F13A1: variants seen among roughly 807,000 people sequenced by gnomAD.
The protein encoded by F13A1 is FSF, A subunit.
Under a neutral mutation model 80.1 loss-of-function variants are expected in F13A1, and 47 were observed. The ratio of observed to expected loss-of-function variants is 0.59; its 90% CI spans 0.46 to 0.75. The LOEUF (loss-of-function observed/expected upper bound fraction) is 0.75, where lower values mean the gene tolerates loss of function less well. F13A1 is among the 30% of genes least tolerant of loss of function. The pLI, the probability that F13A1 is intolerant of heterozygous loss-of-function variation, is 0.00. For synonymous variants in F13A1, 349 were observed against 344.9 expected, an observed-to-expected ratio of 1.01 and a Z score of -0.13; for missense variants, 817 against 930.4, an observed-to-expected ratio of 0.88 and a Z score of 1.59.
chr6:6,232,671 A>T (rs189751887), intron 6 of F13A1, among the ~76,000 whole-genome samples: 1 of 150,632 alleles, frequency 6.6e-6, no homozygotes, highest in East Asian at 2.0e-4. Flanking sequence ...ACAGTGCATA[A>T]AACTTTCTCC....
In F13A1 at chr6:6,144,109, G is replaced by A. The variant is rs934794811; in HGVS notation, c.*1510C>T. Reference sequence around the variant, plus strand: ...TATAATCAGTTTAACTTTATTTTAAGCTTCTATTACATTGTAATTAATAAT... The same window carrying A: ...TATAATCAGTTTAACTTTATTTTAAACTTCTATTACATTGTAATTAATAAT... On this transcript the variant is annotated 3_prime_UTR_variant, in exon 15 of 15. Transcript: ENST00000264870. The A allele has an allele frequency of 6.6e-6, 1 of 152,110 alleles. No homozygotes were observed. Among genetic ancestry groups the A allele is most frequent in the African/African-American group, 2.4e-5 (1 of 41,406 alleles). The allele number at this position is 152,110 out of a possible 1,614,324, so 9.4% of individuals were successfully genotyped here.
intron 8 of F13A1, among the ~76,000 whole-genome samples, chr6:6,213,405 C>A (rs943857405): frequency 4.0e-4 from 60 of 151,856 alleles, no homozygotes; most frequent in East Asian, 1.7e-3. Context: ...TTTTCAACCC[C>A]GAATTTCATA....
intron 2 of F13A1, 193 bp from the exon 3 acceptor site, chr6:6,305,732 A>G (rs751543472): frequency 1.2e-4 from 74 of 603,516 alleles, no homozygotes; most frequent in Admixed American, 3.9e-4. Flanking sequence ...TTTTGAAGAG[A>G]GCTTTTTAAA....
intron 2 of F13A1, among the ~76,000 whole-genome samples, chr6:6,315,183 C>A (rs1758660997): frequency 6.6e-6 from 1 of 152,228 alleles, no homozygotes; most frequent in Admixed American, 6.5e-5. Context: ...TGGAATATTA[C>A]ATTTCCAGCT....
In F13A1 at chr6:6,145,190, G is replaced by A; in HGVS notation, c.*429C>T. 1 of 215,248 alleles carries A rather than the reference G, an allele frequency of 4.6e-6. No homozygotes were observed. Among genetic ancestry groups the A allele is most frequent in the Admixed American group, 5.3e-5 (1 of 18,812 alleles). 13.3% of individuals were successfully genotyped at this position (215,248 alleles called of 1,614,324 possible). A position where few individuals can be genotyped will look rare whatever the true frequency, so the allele number is the denominator to read the frequency against. On this transcript the variant is annotated 3_prime_UTR_variant, in exon 15 of 15. Coordinates refer to ENST00000264870, the MANE Select transcript of F13A1 (RefSeq NM_000129.4). ...GAACCTGACCCCGAGAAAGGGGACTGGAATTCTAGAGCCCAAATCATGTGC... is the reference window on the plus strand; with the variant it reads ...GAACCTGACCCCGAGAAAGGGGACTAGAATTCTAGAGCCCAAATCATGTGC...
chr6:6,225,751 C>T (rs1169636581), intron 6 of F13A1, among the ~76,000 whole-genome samples: 1 of 152,170 alleles, frequency 6.6e-6, no homozygotes, highest in African/African-American at 2.4e-5. Flanking sequence ...GATTCTCCTG[C>T]CTCAGCCTTC....
intron 8 of F13A1, among the ~76,000 whole-genome samples, chr6:6,217,815 C>T (rs1447888392): frequency 6.6e-6 from 1 of 152,126 alleles, no homozygotes; most frequent in Non-Finnish European, 1.5e-5. Context: ...CTGATTAGGG[C>T]AGTGTCCCAG....
intron 13 of F13A1, among the ~76,000 whole-genome samples, chr6:6,153,138 A>G (rs1457859655): frequency 6.6e-5 from 10 of 152,364 alleles, no homozygotes; most frequent in Middle Eastern, 3.4e-3. Flanking sequence ...AATTAAGTCA[A>G]TGGCTCAAAA....
chr6:6,236,989 C>T (rs1757422058), intron 6 of F13A1, among the ~76,000 whole-genome samples: 1 of 152,086 alleles, frequency 6.6e-6, no homozygotes. Context: ...TGCTTCATGA[C>T]ATGCTAGGGT....
chr6:6,179,581 A>G (rs1760943501), intron 11 of F13A1, among the ~76,000 whole-genome samples: 1 of 152,218 alleles, frequency 6.6e-6, no homozygotes. Context: ...TCTACCCGCC[A>G]CATTCAGATG....
In F13A1 at chr6:6,197,283, G is replaced by T. The variant is rs1761308785; in HGVS notation, c.1156C>A (p.Leu386Ile). Residue 386 changes from leucine (L) to isoleucine (I), a missense_variant, in exon 9 of 15, where the codon CTT becomes ATT. Physicochemically the swap from Leu to Ile is conservative, Grantham distance 5. Coordinates refer to ENST00000264870, the MANE Select transcript of F13A1 (RefSeq NM_000129.4). ...WNEAWMTRPD[L>I]PVGFGGWQAV... ...TGCCAGCCTCCAAATCCAACAGGAAGGTCAGGCCTTGTCATCCATGCTTCA... is the reference window on the plus strand; with the variant it reads ...TGCCAGCCTCCAAATCCAACAGGAATGTCAGGCCTTGTCATCCATGCTTCA... The T allele has an allele frequency of 6.2e-7, 1 of 1,614,100 alleles. No individual in the cohort carries two copies. The highest frequency in any genetic ancestry group is 8.5e-7 in the Non-Finnish European group (1 of 1,180,046).
intron 10 of F13A1, among the ~76,000 whole-genome samples, chr6:6,192,664 G>A (rs982924673): frequency 7.9e-5 from 12 of 152,180 alleles, no homozygotes; most frequent in African/African-American, 2.2e-4. Flanking sequence ...ATCTCCACAC[G>A]TTGTATAAGA....
At chr6:6,248,536 T>C (rs1374797814) in intron 5 of F13A1, 117 bp from the exon 6 acceptor site, 1 of 765,986 alleles carries the variant, frequency 1.3e-6, no homozygotes, top group Non-Finnish European at 2.2e-6. Context: ...GTTTCCTGTA[T>C]AGTGATCTCC....
chr6:6,197,397 C>T (rs538295859), intron 8 of F13A1, 71 bp from the exon 9 acceptor site: 26 of 1,453,954 alleles, frequency 1.8e-5, no homozygotes, highest in African/African-American at 7.0e-5. Context: ...CAAGAAGTGA[C>T]GGCCAGGCAC....
intron 11 of F13A1, among the ~76,000 whole-genome samples, chr6:6,176,232 T>C (rs1488684486): frequency 6.6e-6 from 1 of 152,260 alleles, no homozygotes; most frequent in East Asian, 1.9e-4. Flanking sequence ...TATTGTCTTC[T>C]ACTTTATCTA....
At chr6:6,170,990 A>T (rs1173031406) in intron 12 of F13A1, among the ~76,000 whole-genome samples, 1 of 152,130 alleles carries the variant, frequency 6.6e-6, no homozygotes, top group Non-Finnish European at 1.5e-5. Context: ...GTTCCTATGG[A>T]CTCAGGCATA....
chr6:6,212,570 A>G (rs540063599), intron 8 of F13A1, among the ~76,000 whole-genome samples: 144 of 152,326 alleles, frequency 9.5e-4, no homozygotes, highest in South Asian at 9.1e-3. Flanking sequence ...AAAACCACAA[A>G]GATGGGGAAA....
chr6:6,147,137 G>C (rs185632204), intron 14 of F13A1, among the ~76,000 whole-genome samples: 1 of 152,132 alleles, frequency 6.6e-6, no homozygotes, highest in Non-Finnish European at 1.5e-5. Context: ...GAACAATGAC[G>C]CAATGGTCTT....
rs1239965943 is a variant in F13A1, at chr6:6,167,611, T to C, written c.1755A>G (p.Lys585=). ...DVTLEPLSFK[K]EAVLIQAGEY... ...CGCCGGCTTGGATCAGCACCGCCTC[T>C]TTCTTGACTAGTAGGAGAAAACACA... Residue 585 remains lysine, a synonymous_variant, in exon 13 of 15, where the codon AAA becomes AAG. Coordinates refer to ENST00000264870, the MANE Select transcript of F13A1 (RefSeq NM_000129.4). The C allele has an allele frequency of 2.5e-6, 4 of 1,613,330 alleles. No homozygotes were observed. The Admixed American group carries it at 6.7e-5, about 27-fold the overall frequency.
Sources: gnomAD v4.1 joint callset for allele counts (sites outside exome capture counted in the v4.1 genomes callset) on GRCh38, gnomAD v4.1.1 for gene constraint, MANE v1.5 for transcripts, NCBI Gene and HGNC (gene_info 2026-07-23, HGNC 2026-07-21) for gene names.